Variants in BCL11B observed in about 807,000 individuals in gnomAD.
BCL11B encodes B-cell lymphoma/leukemia 11B.
A neutral mutation model predicts 49.9 loss-of-function variants in BCL11B; 8 were observed. The ratio of observed to expected loss-of-function variants is 0.16; its 90% confidence interval spans 0.09 to 0.29. The LOEUF (loss-of-function observed/expected upper bound fraction) is 0.29. Among genes scored for constraint, BCL11B ranks in the 10% least tolerant of loss-of-function variants. The pLI is 1.00. For missense variants in BCL11B, 1,006 were observed against 1,351.0 expected (o/e 0.74, Z 4.00); for synonymous variants, 739 against 637.4 (o/e 1.16, Z -2.40).
rs1190973557 is a variant in BCL11B, at chr14:99,199,667, T to C, written c.641-23472A>G. Reference sequence around the variant, plus strand: ...GTGTGTGTGTGTGTGTGTGTGTGTGTGTGTGTGTGTGTGTGTGCGCGCGCG... The same window carrying C: ...GTGTGTGTGTGTGTGTGTGTGTGTGCGTGTGTGTGTGTGTGTGCGCGCGCG... On this transcript the variant is annotated intron_variant, in intron 3 of 3. Coordinates refer to ENST00000357195, the MANE Select transcript of BCL11B (RefSeq NM_138576.4). 1.1e-3 allele frequency among the ~76,000 whole-genome samples: 92 copies of C among 84,314 alleles called. 1 individual carries two copies. Among genetic ancestry groups the C allele is most frequent in the African/African-American group, 4.0e-3 (86 of 21,324 alleles). The allele number at this position is 84,314 out of a possible 152,430, so 55.3% of individuals were successfully genotyped here. A position where few individuals can be genotyped will look rare whatever the true frequency, so the allele number is the denominator to read the frequency against.
In BCL11B at chr14:99,271,189, C is replaced by T; in HGVS notation, c.30G>A (p.Gln10=). 1.3e-6 allele frequency: 2 copies of T among 1,546,232 alleles called. No homozygotes were observed. Among genetic ancestry groups the T allele is most frequent in the Non-Finnish European group, 1.7e-6 (2 of 1,151,826 alleles). The change falls in exon 1 of 4, where the codon CAG becomes CAA. Residue 10 remains glutamine, a synonymous_variant. Transcript: ENST00000357195. ...TGATGAGCTCCCTCTGGGACAAGTG[C>T]TGCGGGTTGCCCTGTTTGCGGCGGG... The part of the protein sequence containing the change: MSRRKQGNP[Q]HLSQRELITP...
In BCL11B at chr14:99,205,029, A is replaced by G. The variant is rs955504905; in HGVS notation, c.640+26316T>C. Among the ~76,000 whole-genome samples, 35 of 152,158 alleles carry G rather than the reference A, an allele frequency of 2.3e-4. No homozygotes were observed. The highest frequency in any genetic ancestry group is 5.9e-5 in the Non-Finnish European group (4 of 68,020). On this transcript the variant is annotated intron_variant, in intron 3 of 3. Transcript: ENST00000357195. The surrounding 1 kb of genome is among the most constrained non-coding windows in gnomAD (Gnocchi z 5.0). ...GGGGTACCTGGGACAGGACAGGCGG[A>G]CCAGGTCCCAGATCACCTGTGGGCA...
At chr14:99,211,100 AC>A (rs756525819) in intron 3 of BCL11B, among the ~76,000 whole-genome samples, 37 of 152,316 alleles carry the variant, frequency 2.4e-4, no homozygotes, top group African/African-American at 8.4e-4. Context: ...ACACATGCGT[AC>A]CCAGGTAATA....
intron 1 of BCL11B, among the ~76,000 whole-genome samples, chr14:99,261,243 T>C (rs1889329182): frequency 6.6e-6 from 1 of 152,208 alleles, no homozygotes; most frequent in Non-Finnish European, 1.5e-5. Flanking sequence ...AAGGCCTTTG[T>C]AGACACCCCC....
intron 1 of BCL11B, among the ~76,000 whole-genome samples, chr14:99,265,471 C>T (rs1889453281): frequency 6.6e-6 from 1 of 151,962 alleles, no homozygotes; most frequent in Non-Finnish European, 1.5e-5. Context: ...CCTCCCATTC[C>T]CTCCCCCATA....
intron 3 of BCL11B, among the ~76,000 whole-genome samples, chr14:99,230,897 G>A (rs1031427483): frequency 6.6e-6 from 1 of 152,096 alleles, no homozygotes; most frequent in African/African-American, 2.4e-5. Context: ...TTCTCCCAAA[G>A]AGAAACTCAG....
rs752098380 is a variant in BCL11B, at chr14:99,271,253, C to A, written c.-35G>T. On this transcript the variant is annotated 5_prime_UTR_variant, in exon 1 of 4. Transcript: ENST00000357195. ...ATCTATTCTGGCATCGCCCGGAGAG[C>A]TGCACTGATGGGGGGAGCCGGGGGA... 7.1e-7 allele frequency: 1 copy of A among 1,411,186 alleles called. No individual in the cohort carries two copies. Among genetic ancestry groups the A allele is most frequent in the Non-Finnish European group, 9.3e-7 (1 of 1,078,446 alleles). 87.4% of individuals were successfully genotyped at this position (1,411,186 alleles called of 1,614,324 possible). A position where few individuals can be genotyped will look rare whatever the true frequency, so the allele number is the denominator to read the frequency against.
At chr14:99,193,423 A>G (rs918446557) in intron 3 of BCL11B, among the ~76,000 whole-genome samples, 2 of 152,190 alleles carry the variant, frequency 1.3e-5, no homozygotes, top group Non-Finnish European at 2.9e-5. Flanking sequence ...GTTCGTCCAC[A>G]ATGCCTAGAA....
intron 3 of BCL11B, among the ~76,000 whole-genome samples, chr14:99,218,508 G>A (rs992744620): frequency 1.3e-5 from 2 of 152,092 alleles, no homozygotes; most frequent in African/African-American, 4.8e-5. Flanking sequence ...AGTGCTAGCC[G>A]AAGGGCCAGG....
chr14:99,196,711 C>T (rs1887189281), intron 3 of BCL11B, among the ~76,000 whole-genome samples: 1 of 152,218 alleles, frequency 6.6e-6, no homozygotes, highest in African/African-American at 2.4e-5. Context: ...AGAGAGGATA[C>T]CTGTGTCCAC....
intron 3 of BCL11B, among the ~76,000 whole-genome samples, chr14:99,183,509 A>C (rs1362988819): frequency 6.6e-6 from 1 of 151,930 alleles, no homozygotes; most frequent in Non-Finnish European, 1.5e-5. Context: ...AGCACGAGCC[A>C]TGTTCCTTCC....
At chr14:99,223,100 C>T (rs1467939470) in intron 3 of BCL11B, among the ~76,000 whole-genome samples, 2 of 152,140 alleles carry the variant, frequency 1.3e-5, no homozygotes, top group Non-Finnish European at 2.9e-5. Flanking sequence ...AAAAGTAGCC[C>T]TTCCCTTCAC....
chr14:99,225,452 C>A (rs554170923), intron 3 of BCL11B, among the ~76,000 whole-genome samples: 3 of 152,282 alleles, frequency 2.0e-5, no homozygotes, highest in African/African-American at 7.2e-5. Flanking sequence ...TAAAGGAGAA[C>A]GGGGCTGCCT....
At chr14:99,220,651 C>T (rs1434590433) in intron 3 of BCL11B, among the ~76,000 whole-genome samples, 2 of 152,044 alleles carry the variant, frequency 1.3e-5, no homozygotes, top group Admixed American at 1.3e-4. Flanking sequence ...TGGAGATGGA[C>T]GGTGGTGATG....
intron 3 of BCL11B, among the ~76,000 whole-genome samples, chr14:99,179,878 G>A (rs890704212): frequency 6.6e-6 from 1 of 152,142 alleles, no homozygotes; most frequent in African/African-American, 2.4e-5. Flanking sequence ...CCCTGAGCAT[G>A]AGGCTTGCTC....
chr14:99,174,034 G>A lies in BCL11B; in HGVS notation c.*117C>T, dbSNP rs1886379480. On this transcript the variant is annotated 3_prime_UTR_variant, in exon 4 of 4. Transcript: ENST00000357195. Reference sequence around the variant, plus strand: ...GTTAGGTTGGAGTGCCGCCTCCCCTGGGCCCCGGGGACACGCGGGGTGCGG... The same window carrying A: ...GTTAGGTTGGAGTGCCGCCTCCCCTAGGCCCCGGGGACACGCGGGGTGCGG... 9.3e-7 allele frequency: 1 copy of A among 1,071,752 alleles called. No individual in the cohort carries two copies. Among genetic ancestry groups the A allele is most frequent in the African/African-American group, 1.6e-5 (1 of 62,874 alleles). 66.4% of individuals were successfully genotyped at this position (1,071,752 alleles called of 1,614,324 possible). A position where few individuals can be genotyped will look rare whatever the true frequency, so the allele number is the denominator to read the frequency against.
At chr14:99,244,520 C>T (rs1270376505) in intron 2 of BCL11B, among the ~76,000 whole-genome samples, 2 of 152,098 alleles carry the variant, frequency 1.3e-5, no homozygotes, top group Non-Finnish European at 2.9e-5. Context: ...GATCTTTACC[C>T]GTATTTACAG....
At chr14:99,237,328 C>G (rs1038301775) in intron 2 of BCL11B, among the ~76,000 whole-genome samples, 5 of 148,832 alleles carry the variant, frequency 3.4e-5, no homozygotes, top group Admixed American at 6.8e-5. Flanking sequence ...TATATACCAA[C>G]AATCATCATC....
chr14:99,270,458 G>T (rs1889632988), intron 1 of BCL11B, among the ~76,000 whole-genome samples: 1 of 144,982 alleles, frequency 6.9e-6, no homozygotes, highest in South Asian at 2.4e-4. Context: ...ATCATCCCAG[G>T]AGACAGACGG....
Sources: gnomAD v4.1 joint callset for allele counts (sites outside exome capture counted in the v4.1 genomes callset) on GRCh38, gnomAD v4.1.1 for gene constraint, Gnocchi (gnomAD v3.1) non-coding constraint, MANE v1.5 for transcripts, NCBI Gene and HGNC (gene_info 2026-07-23, HGNC 2026-07-21) for gene names.